Variants in LCORL observed in about 807,000 individuals in gnomAD.
LCORL encodes the protein ligand dependent nuclear receptor corepressor like.
LCORL carries 41 observed loss-of-function variants against 141.8 expected under a neutral mutation model. The ratio of observed to expected loss-of-function variants is 0.29; its 90% CI spans 0.23 to 0.38. The LOEUF (loss-of-function observed/expected upper bound fraction) is 0.38, where lower values mean the gene tolerates loss of function less well. Among genes scored for constraint, LCORL ranks in the 10% least tolerant of loss-of-function variants. The pLI is 1.00. For synonymous variants in LCORL, 618 were observed against 694.1 expected, an observed-to-expected ratio of 0.89 and a Z score of 1.72; for missense variants, 1,759 against 2,035.0, an observed-to-expected ratio of 0.86 and a Z score of 2.61.
intron 1 of LCORL, among the ~76,000 whole-genome samples, chr4:18,011,128 G>C (rs1340062685): frequency 6.6e-6 from 1 of 152,082 alleles, no homozygotes; most frequent in African/African-American, 2.4e-5. Flanking sequence ...GCCTATGCCA[G>C]ACCACCTGAC....
intron 4 of LCORL, among the ~76,000 whole-genome samples, chr4:17,927,525 C>T (rs979096919): frequency 1.3e-5 from 2 of 152,186 alleles, no homozygotes; most frequent in Non-Finnish European, 2.9e-5. Context: ...ATGTCTTTCT[C>T]ACTAAGCTTA....
chr4:17,995,185 C>G (rs1220081488), intron 1 of LCORL, among the ~76,000 whole-genome samples: 1 of 150,528 alleles, frequency 6.6e-6, no homozygotes, highest in Non-Finnish European at 1.5e-5. Context: ...TTCAGGGTAA[C>G]CACTACCTTT....
chr4:17,972,075 T>C (rs11938188), intron 2 of LCORL, among the ~76,000 whole-genome samples: 36,855 of 151,640 alleles, frequency 0.24, 5,835 homozygotes, highest in African/African-American at 0.45. Context: ...AAAGGCTCTA[T>C]TTAATTTTGA....
intron 4 of LCORL, among the ~76,000 whole-genome samples, chr4:17,948,864 GA>G: frequency 6.6e-6 from 1 of 151,810 alleles, no homozygotes; most frequent in East Asian, 1.9e-4. Context: ...CTTCAGAGGA[GA>G]AAACGGTACA....
At chr4:17,924,218 G>T (rs1354853064) in intron 4 of LCORL, among the ~76,000 whole-genome samples, 1 of 152,178 alleles carries the variant, frequency 6.6e-6, no homozygotes, top group Non-Finnish European at 1.5e-5. Flanking sequence ...ACCAATGGGT[G>T]ACCTCAGCAG....
chr4:17,952,666 C>T (rs903865667), intron 4 of LCORL, among the ~76,000 whole-genome samples: 16 of 152,270 alleles, frequency 1.1e-4, no homozygotes, highest in African/African-American at 3.9e-4. Context: ...CCGCCCGCCT[C>T]GGCCTCCCAG....
At chr4:17,934,791 A>G (rs1213734223) in intron 4 of LCORL, among the ~76,000 whole-genome samples, 2 of 152,202 alleles carry the variant, frequency 1.3e-5, no homozygotes, top group Non-Finnish European at 2.9e-5. Flanking sequence ...CTTCTTTACT[A>G]CTAGTGAGCA....
intron 1 of LCORL, among the ~76,000 whole-genome samples, chr4:17,976,323 C>T (rs1008473985): frequency 1.3e-5 from 2 of 152,142 alleles, no homozygotes; most frequent in Non-Finnish European, 2.9e-5. Flanking sequence ...CTCTGTTATA[C>T]ATTCCTCCCC....
rs556530395 is a variant in LCORL, at chr4:17,924,412, C to T, written c.431-15067G>A. Among the ~76,000 whole-genome samples, 15 of 152,278 alleles carry T rather than the reference C, an allele frequency of 9.9e-5. No individual in the cohort carries two copies. The East Asian group carries it at 1.7e-3, about 18-fold the overall frequency. On this transcript the variant is annotated intron_variant, in intron 4 of 7. Coordinates refer to ENST00000635767, the Ensembl canonical transcript of LCORL. ...CCAATCACCAAGGCTGACCTGGCTA[C>T]GGCCACTGCTGAGAGCCCAATTTGC...
intron 5 of LCORL, among the ~76,000 whole-genome samples, chr4:17,908,650 A>G (rs928992329): frequency 6.6e-6 from 1 of 152,190 alleles, no homozygotes; most frequent in African/African-American, 2.4e-5. Flanking sequence ...TGATAACATT[A>G]TATTTGTCAC....
chr4:17,931,218 C>T (rs1337158151), intron 4 of LCORL, among the ~76,000 whole-genome samples: 1 of 152,050 alleles, frequency 6.6e-6, no homozygotes, highest in Admixed American at 6.6e-5. Flanking sequence ...CCACCTCTAC[C>T]ACCACCAATT....
At chr4:17,861,384 C>T (rs976815853) in intron 7 of LCORL, among the ~76,000 whole-genome samples, 23 of 152,198 alleles carry the variant, frequency 1.5e-4, no homozygotes, top group African/African-American at 5.3e-4. Flanking sequence ...TGAGCCGTAC[C>T]TCGGCCCCTT....
At chr4:17,927,127 T>G (rs1242487791) in intron 4 of LCORL, among the ~76,000 whole-genome samples, 1 of 152,230 alleles carries the variant, frequency 6.6e-6, no homozygotes, top group Non-Finnish European at 1.5e-5. Context: ...AGCTTCCGTA[T>G]CAGCACTTGC....
chr4:17,854,132 G>A (rs1724087825), intron 7 of LCORL, among the ~76,000 whole-genome samples: 1 of 152,092 alleles, frequency 6.6e-6, no homozygotes, highest in African/African-American at 2.4e-5. Context: ...TGGGGCAGAA[G>A]GAAGATTTGT....
At chr4:17,876,629 T>G in exon 7 of LCORL, 1 of 1,230,734 alleles carries the variant, frequency 8.1e-7, no homozygotes. Flanking sequence ...CATAATTATT[T>G]GTTACATATA....
chr4:17,927,768 C>T (rs1261937803), intron 4 of LCORL, among the ~76,000 whole-genome samples: 2 of 152,114 alleles, frequency 1.3e-5, no homozygotes, highest in Non-Finnish European at 2.9e-5. Context: ...ACAATCATAA[C>T]ATCAAGGATC....
chr4:17,949,476 G>A (rs925512737), intron 4 of LCORL, among the ~76,000 whole-genome samples: 1 of 151,956 alleles, frequency 6.6e-6, no homozygotes. Context: ...AGATAATTGT[G>A]AGAGCCCTGA....
intron 5 of LCORL, among the ~76,000 whole-genome samples, chr4:17,905,185 G>A (rs1731420453): frequency 6.6e-6 from 1 of 152,016 alleles, no homozygotes; most frequent in Non-Finnish European, 1.5e-5. Context: ...ATGATAGTGT[G>A]CATTTTTTGT....
chr4:18,000,335 AGAGT>A (rs1247303004), intron 1 of LCORL, among the ~76,000 whole-genome samples: 1 of 152,196 alleles, frequency 6.6e-6, no homozygotes, highest in Admixed American at 6.5e-5. Flanking sequence ...TAAAGGAAAC[AGAGT>A]GATTATCACT....
Sources: allele counts gnomAD v4.1 joint callset (sites outside exome capture counted in the v4.1 genomes callset), GRCh38; gene constraint gnomAD v4.1.1; transcripts MANE v1.5; gene names NCBI Gene and HGNC (gene_info 2026-07-23, HGNC 2026-07-21).